Variants in MARCHF1 observed in about 807,000 individuals in gnomAD.
The protein encoded by MARCHF1 is membrane associated ring-CH-type finger 1, also known as E3 ubiquitin-protein ligase MARCHF1.
Under a neutral mutation model 54.2 loss-of-function variants are expected in MARCHF1, and 40 were observed. The ratio of observed to expected loss-of-function variants is 0.74; its 90% confidence interval spans 0.57 to 0.96. MARCHF1 has a LOEUF of 0.96. Among genes scored for constraint, MARCHF1 ranks in the 40% least tolerant of loss-of-function variants. MARCHF1 has a pLI of 0.00. For synonymous variants in MARCHF1, 236 were observed against 236.3 expected, an observed-to-expected ratio of 1.00 and a Z score of 0.01; for missense variants, 586 against 656.5, an observed-to-expected ratio of 0.89 and a Z score of 1.17.
At chr4:164,195,486 A>G (rs959553109) in intron 1 of MARCHF1, among the ~76,000 whole-genome samples, 5 of 152,142 alleles carry the variant, frequency 3.3e-5, no homozygotes, top group Non-Finnish European at 5.9e-5. Context: ...ATCTTTTTTT[A>G]TCCCCACAAT....
intron 1 of MARCHF1, among the ~76,000 whole-genome samples, chr4:164,151,198 G>A (rs1021384781): frequency 6.6e-6 from 1 of 152,168 alleles, no homozygotes. Context: ...GCAATAATTT[G>A]TAGTAACAGC....
chr4:163,821,493 T>C (rs1391002441), intron 4 of MARCHF1, among the ~76,000 whole-genome samples: 1 of 152,018 alleles, frequency 6.6e-6, no homozygotes, highest in Non-Finnish European at 1.5e-5. Context: ...TTGATACATT[T>C]GTGGAAAGTA....
intron 2 of MARCHF1, among the ~76,000 whole-genome samples, chr4:164,046,328 G>T (rs941589611): frequency 2.0e-5 from 3 of 152,192 alleles, no homozygotes; most frequent in Non-Finnish European, 4.4e-5. Flanking sequence ...CAGAACAAAA[G>T]CTGTCAGTGT....
downstream of MARCHF1, chr4:163,524,388 A>C (rs1004776873): frequency 6.6e-6 from 1 of 152,190 alleles, no homozygotes; most frequent in Non-Finnish European, 1.5e-5. Flanking sequence ...ATCTGAATCC[A>C]CTATTATCTC....
intron 1 of MARCHF1, among the ~76,000 whole-genome samples, chr4:164,311,926 C>G (rs1214088451): frequency 6.6e-6 from 1 of 152,160 alleles, no homozygotes; most frequent in Non-Finnish European, 1.5e-5. Context: ...TCTCTCTCTT[C>G]TCTTAAATTT....
At chr4:163,609,359 T>A (rs1741247012) in intron 7 of MARCHF1, among the ~76,000 whole-genome samples, 1 of 152,046 alleles carries the variant, frequency 6.6e-6, no homozygotes. Flanking sequence ...GTTCCAAGAT[T>A]TGGAGTCATT....
chr4:163,846,431 A>T (rs776708683), intron 4 of MARCHF1, among the ~76,000 whole-genome samples: 12 of 152,154 alleles, frequency 7.9e-5, no homozygotes, highest in Non-Finnish European at 1.6e-4. Flanking sequence ...CTGTAGGTGG[A>T]TGTATGATTT....
chr4:164,118,644 C>A (rs1579549893), intron 1 of MARCHF1, among the ~76,000 whole-genome samples: 1 of 151,462 alleles, frequency 6.6e-6, no homozygotes, highest in South Asian at 2.1e-4. Context: ...AAATTCAATT[C>A]TGTTCTCAAT....
intron 2 of MARCHF1, among the ~76,000 whole-genome samples, chr4:164,086,715 A>G (rs1482926298): frequency 1.3e-5 from 2 of 152,072 alleles, no homozygotes; most frequent in Non-Finnish European, 2.9e-5. Flanking sequence ...TGGACATTAA[A>G]TGAAAATGGT....
At chr4:163,932,176 G>C (rs1370228523) in intron 3 of MARCHF1, among the ~76,000 whole-genome samples, 1 of 152,002 alleles carries the variant, frequency 6.6e-6, no homozygotes, top group Non-Finnish European at 1.5e-5. Flanking sequence ...CTTTTTGCTG[G>C]TAAGGGCTCT....
chr4:164,247,863 A>G (rs1027508987), intron 1 of MARCHF1, among the ~76,000 whole-genome samples: 1 of 149,850 alleles, frequency 6.7e-6, no homozygotes, highest in African/African-American at 2.5e-5. Flanking sequence ...TGCCAGTCCA[A>G]ATTTCAAGGG....
chr4:164,294,741 A>G (rs1006785614), intron 1 of MARCHF1, among the ~76,000 whole-genome samples: 2 of 152,204 alleles, frequency 1.3e-5, no homozygotes, highest in Non-Finnish European at 2.9e-5. Flanking sequence ...TGTGAATATA[A>G]ATAAAATATT....
chr4:163,846,782 T>G (rs1326528726), intron 4 of MARCHF1, among the ~76,000 whole-genome samples: 1 of 152,110 alleles, frequency 6.6e-6, no homozygotes, highest in Non-Finnish European at 1.5e-5. Flanking sequence ...AAAGGTTTAA[T>G]ATACAAGATA....
At chr4:164,217,392 A>G (rs1205646485) in intron 1 of MARCHF1, among the ~76,000 whole-genome samples, 5 of 152,230 alleles carry the variant, frequency 3.3e-5, no homozygotes, top group Non-Finnish European at 7.3e-5. Flanking sequence ...CAAAGAAAAC[A>G]AAATGATTCT....
chr4:164,078,653 C>T (rs1755028591), intron 2 of MARCHF1, among the ~76,000 whole-genome samples: 1 of 152,134 alleles, frequency 6.6e-6, no homozygotes, highest in Non-Finnish European at 1.5e-5. Context: ...AAAAGAACTA[C>T]ATAGAACTTC....
intron 2 of MARCHF1, among the ~76,000 whole-genome samples, chr4:164,059,470 A>C (rs1754568160): frequency 1.3e-5 from 2 of 152,160 alleles, no homozygotes; most frequent in Non-Finnish European, 2.9e-5. Flanking sequence ...CATAAAACTG[A>C]CATATTTTCA....
chr4:164,116,380 T>C (rs1011744788), intron 1 of MARCHF1, among the ~76,000 whole-genome samples: 4 of 152,190 alleles, frequency 2.6e-5, no homozygotes, highest in Admixed American at 2.6e-4. Flanking sequence ...CTAACTATCT[T>C]AGGATTTGCA....
intron 2 of MARCHF1, among the ~76,000 whole-genome samples, chr4:164,047,556 A>G (rs1482093025): frequency 6.6e-6 from 1 of 152,204 alleles, no homozygotes; most frequent in Admixed American, 6.5e-5. Context: ...ATCCCAATGT[A>G]ATTTTGCAGG....
rs533520068 is a variant in MARCHF1, at chr4:163,948,217, C to T, written c.-39+40284G>A. ...AAATGGCATCACATGGTATACTTTA[C>T]GTTTCAATGGTTCACTAGTCAAATC... On this transcript the variant is annotated intron_variant, in intron 3 of 9. Coordinates refer to ENST00000514618, the MANE Select transcript of MARCHF1 (RefSeq NM_001394959.1). Among the ~76,000 whole-genome samples, 16 of 152,274 alleles carry T rather than the reference C, an allele frequency of 1.1e-4. 1 individual carries two copies. Among genetic ancestry groups the T allele is most frequent in the South Asian group, 8.3e-4 (4 of 4,828 alleles).
Sources: allele counts gnomAD v4.1 joint callset (sites outside exome capture counted in the v4.1 genomes callset), GRCh38; gene constraint gnomAD v4.1.1; transcripts MANE v1.5; gene names NCBI Gene and HGNC (gene_info 2026-07-23, HGNC 2026-07-21).